GPHN: variants seen among roughly 807,000 people sequenced by gnomAD.
GPHN encodes the protein gephyrin.
GPHN carries 17 observed loss-of-function variants against 95.5 expected under a neutral mutation model. The observed-to-expected ratio is 0.18, with a 90% CI of 0.12 to 0.27. GPHN has a LOEUF of 0.27. Among genes scored for constraint, GPHN ranks in the 10% least tolerant of loss-of-function variants. GPHN has a pLI of 1.00. For synonymous variants in GPHN, 320 were observed against 322.5 expected (o/e 0.99, Z 0.08); for missense variants, 660 against 978.1 (o/e 0.67, Z 4.34).
the GPHN span, chr14:67,473,824 C>T: frequency 1.2e-6 from 2 of 1,613,616 alleles, no homozygotes; most frequent in South Asian, 1.1e-5. This position sits in a 1 kb window ranked among gnomAD's most constrained non-coding sequence, Gnocchi z 6.5. Context: ...AAGTTCACCA[C>T]GAACTCCCAG....
the GPHN span, chr14:67,728,294 C>T: frequency 6.6e-6 from 1 of 152,112 alleles, no homozygotes; most frequent in African/African-American, 2.4e-5. Flanking sequence ...TTTATGTGTG[C>T]CATGTACTAC....
chr14:67,557,304 T>C, the GPHN span: 4 of 1,613,688 alleles, frequency 2.5e-6, no homozygotes, highest in South Asian at 4.4e-5. Context: ...AACTATCCAA[T>C]CTGAAGAATG....
chr14:67,392,538 T>A, the GPHN span: 1 of 1,203,180 alleles, frequency 8.3e-7, no homozygotes, highest in African/African-American at 1.5e-5. Context: ...TCATTCTGCA[T>A]CAGGATGAAG....
intron 5 of GPHN, among the ~76,000 whole-genome samples, chr14:66,885,808 A>G (rs1005350140): frequency 6.6e-6 from 1 of 150,382 alleles, no homozygotes; most frequent in African/African-American, 2.5e-5. Flanking sequence ...CCTCAGGCTT[A>G]TTTCTTACAC....
At chr14:67,451,614 T>C in the GPHN span, among the ~76,000 whole-genome samples, 1 of 152,088 alleles carries the variant, frequency 6.6e-6, no homozygotes, top group African/African-American at 2.4e-5. Context: ...CCCTTTTGTT[T>C]TGGCCAATTT....
At chr14:66,936,320 A>T (rs2067132652) in intron 8 of GPHN, among the ~76,000 whole-genome samples, 1 of 152,130 alleles carries the variant, frequency 6.6e-6, no homozygotes, top group South Asian at 2.1e-4. Flanking sequence ...CAGAGGTTAC[A>T]GTGAGCAGAG....
At chr14:66,600,516 G>A (rs1225919533) in intron 1 of GPHN, among the ~76,000 whole-genome samples, 2 of 151,974 alleles carry the variant, frequency 1.3e-5, no homozygotes, top group Admixed American at 6.5e-5. Flanking sequence ...CTATCAATAC[G>A]TAACTTTTAA....
At chr14:66,636,709 G>A (rs1301031745) in intron 1 of GPHN, among the ~76,000 whole-genome samples, 1 of 152,010 alleles carries the variant, frequency 6.6e-6, no homozygotes, top group Non-Finnish European at 1.5e-5. Flanking sequence ...AAGTCAGATT[G>A]GTAAGGACCC....
the GPHN span, among the ~76,000 whole-genome samples, chr14:67,437,611 T>G: frequency 6.6e-6 from 1 of 152,030 alleles, no homozygotes; most frequent in Non-Finnish European, 1.5e-5. Flanking sequence ...GGAGCCTCTC[T>G]AGCATCCAGG....
intron 3 of GPHN, among the ~76,000 whole-genome samples, chr14:66,817,089 G>A (rs1335699323): frequency 7.2e-5 from 11 of 151,920 alleles, no homozygotes; most frequent in African/African-American, 2.2e-4. Flanking sequence ...AAGGGTATAC[G>A]ATCTCTAATA....
the GPHN span, chr14:67,579,538 C>G: frequency 9.1e-6 from 6 of 659,486 alleles, no homozygotes; most frequent in Non-Finnish European, 1.5e-5. Context: ...AGTTCATTTA[C>G]AGTGGATAAG....
chr14:67,727,001 C>A, the GPHN span: 1 of 1,612,952 alleles, frequency 6.2e-7, no homozygotes, highest in Admixed American at 1.7e-5. Flanking sequence ...CCTCACCTAC[C>A]TGCTCCTGGA....
At chr14:66,963,285 A>G (rs544460444) in intron 8 of GPHN, among the ~76,000 whole-genome samples, 2 of 152,174 alleles carry the variant, frequency 1.3e-5, no homozygotes, top group South Asian at 4.1e-4. Context: ...TTTTTAATTT[A>G]CATTGAGGCA....
the GPHN span, among the ~76,000 whole-genome samples, chr14:67,421,132 G>C: frequency 6.6e-6 from 1 of 152,214 alleles, no homozygotes; most frequent in East Asian, 1.9e-4. Context: ...CCAAGCCCTT[G>C]GTTCAAAATT....
the GPHN span, among the ~76,000 whole-genome samples, chr14:67,688,309 G>T: frequency 6.6e-6 from 1 of 152,030 alleles, no homozygotes; most frequent in Non-Finnish European, 1.5e-5. Context: ...TGTTGTTAAG[G>T]AAATACATAA....
intron 1 of GPHN, among the ~76,000 whole-genome samples, chr14:66,657,086 T>G (rs1374792174): frequency 6.6e-6 from 1 of 152,196 alleles, no homozygotes; most frequent in Non-Finnish European, 1.5e-5. Context: ...AAGTGCTGTT[T>G]CAGATAACAC....
At position 67,016,036 on chromosome 14, in the gene GPHN, A is replaced by G. The variant is rs116285808; in HGVS notation, c.964-7597A>G. ...CTTGTTTAATTCAGTGACCAATTTTATATAATTTTCTTAAAAAAAGGACAC... is the reference window on the plus strand; with the variant it reads ...CTTGTTTAATTCAGTGACCAATTTTGTATAATTTTCTTAAAAAAAGGACAC... On this transcript the variant is annotated intron_variant, in intron 9 of 22. Transcript: ENST00000478722. Among the ~76,000 whole-genome samples, 1,071 of 152,246 alleles carry G rather than the reference A, an allele frequency of 7.0e-3. 4 individuals carry two copies. The highest frequency in any genetic ancestry group is 0.025 in the African/African-American group (1,021 of 41,542).
the GPHN span, among the ~76,000 whole-genome samples, chr14:67,689,647 T>TA: frequency 6.6e-6 from 1 of 152,058 alleles, no homozygotes. Flanking sequence ...AAGGAAGTCC[T>TA]AAAAGTTAAG....
chr14:67,326,128 A>G, the GPHN span, among the ~76,000 whole-genome samples: 1 of 143,802 alleles, frequency 7.0e-6, no homozygotes, highest in African/African-American at 2.6e-5. Context: ...CCCGGCCAGC[A>G]TCTTTCTTTT....
Sources: allele counts gnomAD v4.1 joint callset (sites outside exome capture counted in the v4.1 genomes callset), GRCh38; gene constraint gnomAD v4.1.1; non-coding constraint Gnocchi (gnomAD v3.1); transcripts MANE v1.5; gene names NCBI Gene and HGNC (gene_info 2026-07-23, HGNC 2026-07-21).